The following KIAA1217 variants were observed in gnomAD, a reference collection of about 807,000 sequenced individuals.
KIAA1217 encodes sickle tail protein homolog.
Under a neutral mutation model 163.9 loss-of-function variants are expected in KIAA1217, and 88 were observed. That is an observed-to-expected ratio of 0.54 (90% CI 0.45 to 0.64). KIAA1217 has a LOEUF of 0.64. Among genes scored for constraint, KIAA1217 ranks in the 30% least tolerant of loss-of-function variants. The probability of loss-of-function intolerance (pLI) is 0.00; values close to 1 mark genes in which losing one functional copy is unlikely to be tolerated. For synonymous variants in KIAA1217, 903 were observed against 923.1 expected (o/e 0.98, Z 0.39); for missense variants, 2,372 against 2,475.0 (o/e 0.96, Z 0.88).
At chr10:23,739,352 A>G (rs1395540102) in intron 1 of KIAA1217, among the ~76,000 whole-genome samples, 1 of 152,234 alleles carries the variant, frequency 6.6e-6, no homozygotes, top group African/African-American at 2.4e-5. Flanking sequence ...TGAGCATGTA[A>G]CAAAATTGCA....
chr10:23,765,003 A>G (rs901090828), intron 1 of KIAA1217, among the ~76,000 whole-genome samples: 1 of 152,088 alleles, frequency 6.6e-6, no homozygotes, highest in African/African-American at 2.4e-5. Flanking sequence ...AAAGAGTTTT[A>G]TTTGGCTTCT....
chr10:24,161,720 C>T (rs988541702), intron 2 of KIAA1217, among the ~76,000 whole-genome samples: 1 of 152,228 alleles, frequency 6.6e-6, no homozygotes, highest in Non-Finnish European at 1.5e-5. Context: ...ACCAGCCTCT[C>T]AGGCACTGGC....
At chr10:24,440,863 G>T (rs2060443551) in intron 5 of KIAA1217, among the ~76,000 whole-genome samples, 2 of 152,244 alleles carry the variant, frequency 1.3e-5, no homozygotes, top group African/African-American at 2.4e-5. Context: ...GATCATGCCT[G>T]CAGTTTGCAA....
intron 1 of KIAA1217, among the ~76,000 whole-genome samples, chr10:23,790,080 TAC>T (rs1416825143): frequency 1.8e-5 from 2 of 111,198 alleles, no homozygotes; most frequent in African/African-American, 7.7e-5. Context: ...TATACACATA[TAC>T]ACATATGCAT....
At chr10:23,701,734 C>T (rs546871685) in intron 1 of KIAA1217, among the ~76,000 whole-genome samples, 4 of 152,268 alleles carry the variant, frequency 2.6e-5, no homozygotes, top group South Asian at 2.1e-4. Context: ...TGTTTAAATG[C>T]CCTGTTGTCT....
intron 2 of KIAA1217, among the ~76,000 whole-genome samples, chr10:24,189,444 T>A (rs1686637340): frequency 6.6e-6 from 1 of 152,108 alleles, no homozygotes; most frequent in African/African-American, 2.4e-5. Context: ...ATACAATAAT[T>A]TAAAATATTT....
At chr10:23,875,189 G>C (rs991828870) in intron 1 of KIAA1217, among the ~76,000 whole-genome samples, 1 of 145,778 alleles carries the variant, frequency 6.9e-6, no homozygotes, top group Non-Finnish European at 1.5e-5. Flanking sequence ...CAACACTGAA[G>C]ATCACATTTT....
intron 1 of KIAA1217, among the ~76,000 whole-genome samples, chr10:23,911,196 C>A (rs117100423): frequency 0.011 from 1,630 of 152,220 alleles, 8 homozygotes; most frequent in Non-Finnish European, 0.018. Context: ...AGTCCAAAGC[C>A]AGGATTCAAG....
chr10:24,134,268 A>G (rs2063757015), intron 2 of KIAA1217, among the ~76,000 whole-genome samples: 1 of 152,206 alleles, frequency 6.6e-6, no homozygotes, highest in African/African-American at 2.4e-5. Context: ...ATTTTAGCAG[A>G]GCAAACATAA....
chr10:23,774,190 G>A (rs1172719003), intron 1 of KIAA1217, among the ~76,000 whole-genome samples: 1 of 152,172 alleles, frequency 6.6e-6, no homozygotes, highest in Admixed American at 6.5e-5. Flanking sequence ...TTTAAAAAAG[G>A]AAATGAACAA....
At chr10:24,419,593 G>C (rs192398296) in intron 3 of KIAA1217, among the ~76,000 whole-genome samples, 1 of 152,102 alleles carries the variant, frequency 6.6e-6, no homozygotes, top group Non-Finnish European at 1.5e-5. Context: ...GAAGAGTTTG[G>C]ATCAGTGCCT....
chr10:24,236,787 G>A (rs953460604), intron 2 of KIAA1217, among the ~76,000 whole-genome samples: 24 of 151,810 alleles, frequency 1.6e-4, no homozygotes, highest in African/African-American at 5.6e-4. Context: ...AAGTAGCTGG[G>A]ACTAGAGGCA....
intron 1 of KIAA1217, among the ~76,000 whole-genome samples, chr10:23,906,988 A>AT (rs948204432): frequency 2.0e-5 from 3 of 152,106 alleles, no homozygotes; most frequent in African/African-American, 4.8e-5. Flanking sequence ...TGACTGAAAT[A>AT]TTTATACACT....
chr10:23,750,036 T>C (rs1269104285), intron 1 of KIAA1217, among the ~76,000 whole-genome samples: 1 of 152,110 alleles, frequency 6.6e-6, no homozygotes, highest in Non-Finnish European at 1.5e-5. Context: ...TTGACCTTCC[T>C]CACGTATCTT....
chr10:24,456,634 A>G (rs1244939786), intron 5 of KIAA1217, among the ~76,000 whole-genome samples: 1 of 152,102 alleles, frequency 6.6e-6, no homozygotes, highest in Non-Finnish European at 1.5e-5. Flanking sequence ...CCAGTGCTCG[A>G]TCCACCACAC....
chr10:24,213,314 A>T (rs1231157665), intron 1 of KIAA1217, among the ~76,000 whole-genome samples: 2 of 152,178 alleles, frequency 1.3e-5, no homozygotes, highest in African/African-American at 4.8e-5. Flanking sequence ...CTCTGTCCAC[A>T]GCAGTCCTGA....
intron 2 of KIAA1217, among the ~76,000 whole-genome samples, chr10:24,330,857 G>T (rs370890002): frequency 5.3e-5 from 8 of 152,140 alleles, no homozygotes; most frequent in African/African-American, 1.7e-4. Context: ...CAAGCAATCT[G>T]CCCACCTTGG....
chr10:24,212,669 G>A (rs903873609), intron 1 of KIAA1217, among the ~76,000 whole-genome samples: 18 of 152,292 alleles, frequency 1.2e-4, no homozygotes, highest in African/African-American at 2.9e-4. Flanking sequence ...CACGAGTGCC[G>A]CAAGGGAGAG....
At chr10:24,087,580 A>G (rs2061742455) in intron 2 of KIAA1217, among the ~76,000 whole-genome samples, 1 of 152,214 alleles carries the variant, frequency 6.6e-6, no homozygotes, top group African/African-American at 2.4e-5. Context: ...TGATAAATAA[A>G]TGAATTAGCG....
Sources: allele counts gnomAD v4.1 joint callset (sites outside exome capture counted in the v4.1 genomes callset), GRCh38; gene constraint gnomAD v4.1.1; transcripts MANE v1.5; gene names NCBI Gene and HGNC (gene_info 2026-07-23, HGNC 2026-07-21).